The following SMOC2 variants were observed in gnomAD, a reference collection of about 807,000 sequenced individuals.
The protein encoded by SMOC2 is SPARC-related modular calcium-binding protein 2.
Under a neutral mutation model 61.4 loss-of-function variants are expected in SMOC2, and 39 were observed. The observed-to-expected ratio is 0.64, with a 90% CI of 0.49 to 0.83. The LOEUF (loss-of-function observed/expected upper bound fraction) is 0.83, where lower values mean the gene tolerates loss of function less well. SMOC2 is among the 40% of genes least tolerant of loss of function. The pLI is 0.00. For missense variants in SMOC2, 556 were observed against 592.9 expected, an observed-to-expected ratio of 0.94 and a Z score of 0.65; for synonymous variants, 247 against 239.9, an observed-to-expected ratio of 1.03 and a Z score of -0.27.
chr6:168,609,160 GGAA>G (rs1785788679), intron 9 of SMOC2, among the ~76,000 whole-genome samples: 1 of 152,192 alleles, frequency 6.6e-6, no homozygotes, highest in Admixed American at 6.5e-5. Flanking sequence ...GTTGACACAG[GGAA>G]GCAGAGGGCG....
intron 11 of SMOC2, among the ~76,000 whole-genome samples, chr6:168,657,571 G>C (rs532666134): frequency 6.6e-6 from 1 of 152,142 alleles, no homozygotes; most frequent in Non-Finnish European, 1.5e-5. Flanking sequence ...ACTGCCACCC[G>C]ATACTGCTTT....
chr6:168,662,048 C>G (rs1489413441), intron 11 of SMOC2, among the ~76,000 whole-genome samples: 1 of 152,174 alleles, frequency 6.6e-6, no homozygotes, highest in East Asian at 1.9e-4. Flanking sequence ...GAAAATAGAG[C>G]AATTTTGCTC....
At chr6:168,582,923 C>T (rs574746306) in intron 7 of SMOC2, among the ~76,000 whole-genome samples, 162 of 152,174 alleles carry the variant, frequency 1.1e-3, no homozygotes, top group Non-Finnish European at 1.3e-3. Flanking sequence ...GACACTGTGG[C>T]GCCCTCTCAC....
chr6:168,608,712 A>T (rs902081989), intron 9 of SMOC2, among the ~76,000 whole-genome samples: 12 of 151,518 alleles, frequency 7.9e-5, no homozygotes, highest in Non-Finnish European at 1.6e-4. Flanking sequence ...AAATATTGTA[A>T]TTAAACAGAG....
chr6:168,532,087 G>A (rs1298685276), intron 4 of SMOC2, among the ~76,000 whole-genome samples: 3 of 152,172 alleles, frequency 2.0e-5, no homozygotes, highest in Non-Finnish European at 2.9e-5. Flanking sequence ...GTTTAGAGAT[G>A]TATGTGCTTC....
intron 1 of SMOC2, among the ~76,000 whole-genome samples, chr6:168,451,077 G>A (rs1583025520): frequency 6.6e-6 from 1 of 152,162 alleles, no homozygotes; most frequent in Non-Finnish European, 1.5e-5. Flanking sequence ...GGTGTGGCTA[G>A]AGCTCACTCC....
intron 7 of SMOC2, among the ~76,000 whole-genome samples, chr6:168,573,403 G>A (rs1784717393): frequency 6.6e-6 from 1 of 151,006 alleles, no homozygotes; most frequent in Non-Finnish European, 1.5e-5. Flanking sequence ...CCCTGAACGC[G>A]ATGTTCATTT....
At chr6:168,459,147 G>T (rs1781659164) in intron 1 of SMOC2, among the ~76,000 whole-genome samples, 1 of 152,192 alleles carries the variant, frequency 6.6e-6, no homozygotes, top group African/African-American at 2.4e-5. Flanking sequence ...ACGAGGTCAT[G>T]TGATGGATTT....
At chr6:168,487,855 T>C (rs1027967004) in intron 1 of SMOC2, among the ~76,000 whole-genome samples, 1 of 152,226 alleles carries the variant, frequency 6.6e-6, no homozygotes, top group Non-Finnish European at 1.5e-5. Context: ...TATACGTTGA[T>C]GTAGTTCCCT....
At chr6:168,563,352 G>A (rs12332952) in intron 7 of SMOC2, among the ~76,000 whole-genome samples, 4,287 of 152,038 alleles carry the variant, frequency 0.028, 208 homozygotes, top group African/African-American at 0.097. Flanking sequence ...GTGTGTATAT[G>A]TATGTGTGTA....
At chr6:168,534,354 A>C (rs1783684845) in intron 4 of SMOC2, among the ~76,000 whole-genome samples, 2 of 152,262 alleles carry the variant, frequency 1.3e-5, no homozygotes, top group African/African-American at 4.8e-5. Flanking sequence ...TAAAATGTTA[A>C]AGAAAAAGAC....
chr6:168,615,981 G>A (rs2115222996), intron 9 of SMOC2, among the ~76,000 whole-genome samples: 1 of 152,320 alleles, frequency 6.6e-6, no homozygotes, highest in East Asian at 1.9e-4. Context: ...CCAAAAGGTA[G>A]TTAGATCAGG....
chr6:168,463,397 G>A (rs530328131), intron 1 of SMOC2, among the ~76,000 whole-genome samples: 10 of 152,266 alleles, frequency 6.6e-5, no homozygotes, highest in African/African-American at 2.4e-4. Flanking sequence ...AAATACACGA[G>A]GCTCATTCCC....
At chr6:168,513,977 G>T (rs1453787802) in intron 2 of SMOC2, among the ~76,000 whole-genome samples, 3 of 151,962 alleles carry the variant, frequency 2.0e-5, no homozygotes, top group Non-Finnish European at 2.9e-5. Flanking sequence ...GGGGCCCTCC[G>T]GGGTGGCAGG....
At chr6:168,513,986 G>A (rs2115056522) in intron 2 of SMOC2, among the ~76,000 whole-genome samples, 1 of 152,218 alleles carries the variant, frequency 6.6e-6, no homozygotes, top group Non-Finnish European at 1.5e-5. Flanking sequence ...CGGGGTGGCA[G>A]GACACCTCCC....
chr6:168,559,820 C>T (rs990456689), intron 7 of SMOC2, among the ~76,000 whole-genome samples: 1 of 152,202 alleles, frequency 6.6e-6, no homozygotes, highest in African/African-American at 2.4e-5. Context: ...AGTCCATCCT[C>T]CTTTGTGAAA....
rs1346531730 is a variant in SMOC2 at position 168,535,722 on chromosome 6, A to C, written c.464-7903A>C. Among the ~76,000 whole-genome samples, 1 of 152,236 alleles carries C rather than the reference A, an allele frequency of 6.6e-6. No individual in the cohort carries two copies. Among genetic ancestry groups the C allele is most frequent in the African/African-American group, 2.4e-5 (1 of 41,466 alleles). On this transcript the variant is annotated intron_variant, in intron 4 of 12. Transcript: ENST00000356284. This position sits in a 1 kb window ranked among gnomAD's most constrained non-coding sequence, Gnocchi z 4.6. ...GTTTCTTCATCCACAGAAACACCGA[A>C]GTGGCAAAACTGAGGTTGAGCTGGA...
At chr6:168,514,044 C>T (rs1453996117) in intron 2 of SMOC2, among the ~76,000 whole-genome samples, 1 of 152,176 alleles carries the variant, frequency 6.6e-6, no homozygotes, top group African/African-American at 2.4e-5. Context: ...GCACAGGGGG[C>T]CCTCATGGGA....
At chr6:168,507,101 G>A (rs1312740397) in intron 1 of SMOC2, among the ~76,000 whole-genome samples, 2 of 152,166 alleles carry the variant, frequency 1.3e-5, no homozygotes, top group Non-Finnish European at 2.9e-5. Context: ...AATTCCAAAT[G>A]CCTGGATGCT....
Sources: allele counts gnomAD v4.1 joint callset (sites outside exome capture counted in the v4.1 genomes callset), GRCh38; gene constraint gnomAD v4.1.1; non-coding constraint Gnocchi (gnomAD v3.1); transcripts MANE v1.5; gene names NCBI Gene and HGNC (gene_info 2026-07-23, HGNC 2026-07-21).